The following MED13L variants were observed in gnomAD, a reference collection of about 807,000 sequenced individuals.
The protein encoded by MED13L is mediator complex subunit 13L.
In MED13L, 7 loss-of-function variants were observed where a neutral mutation model predicts 220.9. The observed-to-expected ratio is 0.03, with a 90% CI of 0.02 to 0.06. The LOEUF (loss-of-function observed/expected upper bound fraction) is 0.06. Ranked by LOEUF, MED13L falls within the 10% of genes least tolerant of loss-of-function variation. The pLI, the probability that MED13L is intolerant of heterozygous loss-of-function variation, is 1.00. For missense variants in MED13L, 1,965 were observed against 2,760.5 expected (o/e 0.71, Z 6.46); for synonymous variants, 1,011 against 1,015.2 (o/e 1.00, Z 0.08).
intron 2 of MED13L, among the ~76,000 whole-genome samples, chr12:116,147,525 A>T (rs1226611403): frequency 6.6e-6 from 1 of 152,206 alleles, no homozygotes; most frequent in Non-Finnish European, 1.5e-5. Context: ...GTATGGTGAA[A>T]TATGTTCATA....
chr12:116,061,649 T>A (rs925340342), intron 4 of MED13L, among the ~76,000 whole-genome samples: 2 of 152,114 alleles, frequency 1.3e-5, no homozygotes, highest in African/African-American at 2.4e-5. Flanking sequence ...AATTACCTAA[T>A]GTGAGTTTGG....
intron 2 of MED13L, among the ~76,000 whole-genome samples, chr12:116,230,181 A>G (rs1385499323): frequency 6.6e-6 from 1 of 152,162 alleles, no homozygotes; most frequent in Non-Finnish European, 1.5e-5. Flanking sequence ...AGGCAGGAGC[A>G]TCACTTGAGG....
intron 2 of MED13L, among the ~76,000 whole-genome samples, chr12:116,135,095 G>A (rs966351837): frequency 6.6e-6 from 1 of 152,158 alleles, no homozygotes; most frequent in South Asian, 2.1e-4. Flanking sequence ...CTTGAGCCTG[G>A]GAGGCAGAGG....
intron 2 of MED13L, among the ~76,000 whole-genome samples, chr12:116,117,428 A>G (rs1451012742): frequency 6.6e-6 from 1 of 152,174 alleles, no homozygotes; most frequent in Admixed American, 6.5e-5. Context: ...TGTATTATTT[A>G]CTAAATATGG....
chr12:115,973,063 C>T (rs534444020), intron 25 of MED13L, among the ~76,000 whole-genome samples: 1 of 152,264 alleles, frequency 6.6e-6, no homozygotes, highest in African/African-American at 2.4e-5. Flanking sequence ...GCCATTTCTC[C>T]CCTTAAAGAG....
At chr12:116,248,991 T>C (rs1373543491) in intron 1 of MED13L, among the ~76,000 whole-genome samples, 1 of 152,198 alleles carries the variant, frequency 6.6e-6, no homozygotes, top group Non-Finnish European at 1.5e-5. Context: ...ACAGCTGGAA[T>C]TTGTGGAGAC....
intron 11 of MED13L, chr12:116,006,720 A>G: frequency 2.4e-6 from 1 of 422,896 alleles, no homozygotes; most frequent in East Asian, 4.9e-5. Flanking sequence ...CTTTAACAAC[A>G]TTTTAGATGC....
chr12:116,243,262 A>T (rs976510794), intron 1 of MED13L, among the ~76,000 whole-genome samples: 1 of 152,156 alleles, frequency 6.6e-6, no homozygotes, highest in Non-Finnish European at 1.5e-5. Context: ...GTTCTCAGAA[A>T]ATTGAACTTA....
intron 28 of MED13L, among the ~76,000 whole-genome samples, chr12:115,967,161 ACT>A (rs1473244490): frequency 1.9e-5 from 2 of 106,240 alleles, no homozygotes; most frequent in African/African-American, 7.9e-5. Context: ...ACAGAGTGAG[ACT>A]CTGTCTCAAA....
chr12:116,040,646 C>T (rs1190121789), intron 4 of MED13L, among the ~76,000 whole-genome samples: 2 of 152,110 alleles, frequency 1.3e-5, no homozygotes, highest in African/African-American at 4.8e-5. Context: ...GATTTTTAAA[C>T]TCGTATCAGA....
chr12:116,014,557 C>A (rs1237052064), intron 8 of MED13L, among the ~76,000 whole-genome samples: 1 of 152,048 alleles, frequency 6.6e-6, no homozygotes, highest in African/African-American at 2.4e-5. Context: ...AGAAGAAAGG[C>A]AGGGAGACTG....
At chr12:116,131,288 T>C (rs1032241481) in intron 2 of MED13L, among the ~76,000 whole-genome samples, 2 of 152,234 alleles carry the variant, frequency 1.3e-5, no homozygotes, top group Non-Finnish European at 2.9e-5. Context: ...ACATAATCCA[T>C]ATTGTATGTG....
At chr12:116,160,584 T>TA (rs1270631960) in intron 2 of MED13L, among the ~76,000 whole-genome samples, 1 of 144,486 alleles carries the variant, frequency 6.9e-6, no homozygotes, top group African/African-American at 2.5e-5. Context: ...AAACTTTAAT[T>TA]TAAAAAAAAA....
intron 1 of MED13L, among the ~76,000 whole-genome samples, chr12:116,262,320 G>C (rs1304179535): frequency 6.6e-6 from 1 of 151,910 alleles, no homozygotes; most frequent in African/African-American, 2.4e-5. Context: ...AACTAGACTG[G>C]GCTGTTTTAC....
At chr12:116,075,629 T>TG (rs1870719641) in intron 4 of MED13L, among the ~76,000 whole-genome samples, 1 of 152,252 alleles carries the variant, frequency 6.6e-6, no homozygotes, top group South Asian at 2.1e-4. Flanking sequence ...GCTGTGCTAC[T>TG]GAACATCTTC....
chr12:116,222,041 C>T (rs556856573), intron 2 of MED13L, among the ~76,000 whole-genome samples: 2 of 152,230 alleles, frequency 1.3e-5, no homozygotes, highest in East Asian at 3.9e-4. Flanking sequence ...AAATTTTATA[C>T]AGGTAGAAAG....
chr12:116,163,362 ATTT>A (rs35808540), intron 2 of MED13L, among the ~76,000 whole-genome samples: 222 of 140,302 alleles, frequency 1.6e-3, no homozygotes, highest in Middle Eastern at 7.3e-3. Flanking sequence ...TAGGTGAAGA[ATTT>A]TTTTTTTTTT....
intron 4 of MED13L, among the ~76,000 whole-genome samples, chr12:116,073,696 G>A (rs1292722322): frequency 6.6e-6 from 1 of 152,182 alleles, no homozygotes; most frequent in Non-Finnish European, 1.5e-5. Context: ...CCCTTGACCT[G>A]AGCTGATTTT....
chr12:116,042,732 T>C (rs1257398646), intron 4 of MED13L, among the ~76,000 whole-genome samples: 2 of 152,154 alleles, frequency 1.3e-5, no homozygotes, highest in East Asian at 3.9e-4. Flanking sequence ...ACACATTTCT[T>C]CTCCCTGGAA....
Sources: gnomAD v4.1 joint callset for allele counts (sites outside exome capture counted in the v4.1 genomes callset) on GRCh38, gnomAD v4.1.1 for gene constraint, MANE v1.5 for transcripts, NCBI Gene and HGNC (gene_info 2026-07-23, HGNC 2026-07-21) for gene names.